The following DIAPH2 variants were observed in gnomAD, a reference collection of about 807,000 sequenced individuals.
DIAPH2 encodes diaphanous related formin 2.
A neutral mutation model predicts 92.7 loss-of-function variants in DIAPH2; 35 were observed. The observed-to-expected ratio is 0.38, with a 90% CI of 0.29 to 0.50. The LOEUF (loss-of-function observed/expected upper bound fraction) is 0.50, where lower values mean the gene tolerates loss of function less well. DIAPH2 is among the 20% of genes least tolerant of loss of function. The pLI, the probability that DIAPH2 is intolerant of heterozygous loss-of-function variation, is 0.94. For synonymous variants in DIAPH2, 301 were observed against 280.4 expected, an observed-to-expected ratio of 1.07 and a Z score of -0.73; for missense variants, 701 against 819.5, an observed-to-expected ratio of 0.86 and a Z score of 1.77.
chrX:96,713,359 T>C lies in DIAPH2; in HGVS notation c.133-22399T>C, dbSNP rs757234250. On this transcript the variant is annotated intron_variant, in intron 1 of 26. Coordinates refer to ENST00000324765, the MANE Select transcript of DIAPH2 (RefSeq NM_006729.5). ...ATGAACTCTATTTTTTACAGCAGTT[T>C]TAGGTGCACAGCAAAATCAAGCAGA... 1.2e-4 allele frequency among the ~76,000 whole-genome samples: 13 copies of C among 110,657 alleles called. 1 individual carries two copies. In the East Asian group the frequency reaches 3.7e-3, roughly 32 times the overall value.
In DIAPH2 at chrX:97,272,306, C is replaced by T. The variant is rs2068396065; in HGVS notation, c.2844+24467C>T. Reference sequence around the variant, plus strand: ...GCCCCCACGCCCAGCCTGTTAAAAACTTTTTGAGTGCCTATTTGTGAACAA... The same window carrying T: ...GCCCCCACGCCCAGCCTGTTAAAAATTTTTTGAGTGCCTATTTGTGAACAA... On this transcript the variant is annotated intron_variant, in intron 23 of 26. Transcript: ENST00000324765. 2.7e-5 allele frequency among the ~76,000 whole-genome samples: 3 copies of T among 111,672 alleles called. No homozygotes were observed. The South Asian group carries it at 1.1e-3, about 42-fold the overall frequency.
At position 97,415,620 on chromosome X, in the gene DIAPH2, G is replaced by A. The variant is rs750420293; in HGVS notation, c.3146-14030G>A. ...TCACAGGGACAGAAAACCAAACACCGCATGTTCTCACTCATAGGTGGGAAT... is the reference window on the plus strand; with the variant it reads ...TCACAGGGACAGAAAACCAAACACCACATGTTCTCACTCATAGGTGGGAAT... On this transcript the variant is annotated intron_variant, in intron 25 of 26. Coordinates refer to ENST00000324765, the MANE Select transcript of DIAPH2 (RefSeq NM_006729.5). Among the ~76,000 whole-genome samples the A allele has an allele frequency of 2.3e-4, 24 of 104,505 alleles. No homozygotes were observed. The South Asian group carries it at 4.1e-3, about 18-fold the overall frequency. The allele number at this position is 104,505 out of a possible 115,157, so 90.8% of individuals were successfully genotyped here. A position where few individuals can be genotyped will look rare whatever the true frequency, so the allele number is the denominator to read the frequency against.
At chrX:96,701,651 A>G (rs1192838470) in intron 1 of DIAPH2, 3 of 111,591 alleles carry the variant, frequency 2.7e-5, no homozygotes, top group Non-Finnish European at 5.6e-5. Flanking sequence ...TGGGATTATC[A>G]TGTATGCAAG....
chrX:96,936,375 G>T (rs1201991397), intron 10 of DIAPH2, among the ~76,000 whole-genome samples: 3 of 111,575 alleles, frequency 2.7e-5, no homozygotes, highest in African/African-American at 9.8e-5. Flanking sequence ...TCCTTTTAGA[G>T]TTCAAGCTCA....
At chrX:97,580,434 T>A (rs1329671702) in intron 26 of DIAPH2, among the ~76,000 whole-genome samples, 1 of 103,773 alleles carries the variant, frequency 9.6e-6, no homozygotes, top group Non-Finnish European at 2.0e-5. Context: ...AATCATGTGG[T>A]TTTTGTCTTT....
chrX:97,588,249 C>A (rs1328579668), intron 26 of DIAPH2, among the ~76,000 whole-genome samples: 2 of 112,323 alleles, frequency 1.8e-5, no homozygotes, highest in African/African-American at 6.5e-5. Context: ...GGTTAGGAAA[C>A]AAATGAGTCT....
intron 26 of DIAPH2, among the ~76,000 whole-genome samples, chrX:97,589,959 T>C (rs2071506380): frequency 8.9e-6 from 1 of 112,541 alleles, no homozygotes; most frequent in Non-Finnish European, 1.9e-5. Flanking sequence ...GGACAATTTG[T>C]ATTTTAAAAC....
chrX:97,053,322 T>C (rs2147895769), intron 17 of DIAPH2, among the ~76,000 whole-genome samples: 1 of 111,766 alleles, frequency 8.9e-6, no homozygotes, highest in Non-Finnish European at 1.9e-5. Flanking sequence ...TCTTGCCAGG[T>C]TATCTGTACG....
intron 26 of DIAPH2, among the ~76,000 whole-genome samples, chrX:97,474,765 CA>C (rs34336113): frequency 0.48 from 43,441 of 91,170 alleles, 9,175 homozygotes; most frequent in Non-Finnish European, 0.62. Flanking sequence ...GACTCCATCT[CA>C]AAAAAAAAAA....
intron 21 of DIAPH2, among the ~76,000 whole-genome samples, chrX:97,121,833 G>A (rs1299052317): frequency 8.9e-6 from 1 of 111,822 alleles, no homozygotes; most frequent in African/African-American, 3.2e-5. Context: ...ACCTAGCAAC[G>A]ATCAATAAAT....
At chrX:96,791,814 A>C (rs1220973830) in intron 4 of DIAPH2, among the ~76,000 whole-genome samples, 1 of 110,456 alleles carries the variant, frequency 9.1e-6, no homozygotes, top group Non-Finnish European at 1.9e-5. Context: ...TTTTTGGATG[A>C]CCTCATTTAA....
At chrX:97,229,375 A>G (rs1347910595) in intron 22 of DIAPH2, among the ~76,000 whole-genome samples, 3 of 111,714 alleles carry the variant, frequency 2.7e-5, no homozygotes, top group Non-Finnish European at 5.6e-5. Flanking sequence ...TGCATGTAGA[A>G]CAGTTGCAGT....
At chrX:97,135,924 A>T (rs1218313924) in intron 21 of DIAPH2, among the ~76,000 whole-genome samples, 1 of 112,037 alleles carries the variant, frequency 8.9e-6, no homozygotes, top group African/African-American at 3.2e-5. Context: ...GTCAGGAGGA[A>T]CATAAGTAAA....
intron 3 of DIAPH2, among the ~76,000 whole-genome samples, chrX:96,752,460 C>T (rs73250731): frequency 0.057 from 6,398 of 112,123 alleles, 205 homozygotes; most frequent in Middle Eastern, 0.16. Context: ...CTATTTTCAG[C>T]TTCGAGTTTA....
At chrX:97,333,750 A>G (rs1399312352) in intron 23 of DIAPH2, among the ~76,000 whole-genome samples, 1 of 110,383 alleles carries the variant, frequency 9.1e-6, no homozygotes, top group Non-Finnish European at 1.9e-5. Flanking sequence ...GTTTTAGTAG[A>G]GACGGGGTTT....
At chrX:96,815,931 G>A (rs1325780223) in intron 4 of DIAPH2, among the ~76,000 whole-genome samples, 1 of 111,382 alleles carries the variant, frequency 9.0e-6, no homozygotes, top group Non-Finnish European at 1.9e-5. Flanking sequence ...TTGGCCTCCA[G>A]TAGTGCTAGG....
chrX:96,982,644 A>G (rs1246666617), intron 17 of DIAPH2, among the ~76,000 whole-genome samples: 1 of 112,064 alleles, frequency 8.9e-6, no homozygotes. Flanking sequence ...TTTACTTACT[A>G]TTTGCTCTTG....
intron 4 of DIAPH2, among the ~76,000 whole-genome samples, chrX:96,829,654 C>T (rs777772581): frequency 2.2e-4 from 24 of 109,971 alleles, no homozygotes; most frequent in South Asian, 7.7e-4. Flanking sequence ...CCAAGATGCC[C>T]GGCTAATTTT....
chrX:97,312,596 G>A (rs762163686), intron 23 of DIAPH2, among the ~76,000 whole-genome samples: 1 of 110,414 alleles, frequency 9.1e-6, no homozygotes, highest in East Asian at 2.9e-4. Flanking sequence ...GTGATCTGCC[G>A]CCTCAGCCCT....
Sources: allele counts gnomAD v4.1 joint callset (sites outside exome capture counted in the v4.1 genomes callset), GRCh38; gene constraint gnomAD v4.1.1; transcripts MANE v1.5; gene names NCBI Gene and HGNC (gene_info 2026-07-23, HGNC 2026-07-21).